Variants in METAP1 observed in about 807,000 individuals in gnomAD.
The protein encoded by METAP1 is methionine aminopeptidase 1.
A neutral mutation model predicts 53.8 loss-of-function variants in METAP1; 28 were observed. That is an observed-to-expected ratio of 0.52 (90% CI 0.39 to 0.71). METAP1 has a LOEUF of 0.71. Among genes scored for constraint, METAP1 ranks in the 30% least tolerant of loss-of-function variants. The probability of loss-of-function intolerance (pLI) is 0.00; values close to 1 mark genes in which losing one functional copy is unlikely to be tolerated. For missense variants in METAP1, 389 were observed against 479.8 expected (o/e 0.81, Z 1.77); for synonymous variants, 181 against 165.7 (o/e 1.09, Z -0.71).
At chr4:98,996,370 T>G (rs1382388707) in intron 1 of METAP1, among the ~76,000 whole-genome samples, 2 of 152,210 alleles carry the variant, frequency 1.3e-5, no homozygotes, top group Non-Finnish European at 2.9e-5. Flanking sequence ...TGCCGGGCTC[T>G]GAGAGATGGG....
chr4:99,037,869 G>A (rs1725547908), intron 4 of METAP1: 1 of 151,868 alleles, frequency 6.6e-6, no homozygotes, highest in African/African-American at 2.4e-5. Context: ...TATTGGGATA[G>A]TATTAAATTT....
In METAP1 at chr4:99,028,878, A is replaced by G. The variant is rs1284215550; in HGVS notation, c.126A>G (p.Lys42=). ...GSYFCSQECF[K]GSWATHKLLH... ...TTTTGTTCTTTTAGGAATGTTTTAA[A>G]GGAAGTTGGGCTACTCACAAGTTAC... The change falls in exon 2 of 11, where the codon AAA becomes AAG. Residue 42 remains lysine, a synonymous_variant. Coordinates refer to ENST00000296411, the MANE Select transcript of METAP1 (RefSeq NM_015143.3). 1.3e-6 allele frequency: 2 copies of G among 1,543,254 alleles called. No homozygotes were observed. Among genetic ancestry groups the G allele is most frequent in the Non-Finnish European group, 1.8e-6 (2 of 1,142,072 alleles).
chr4:99,041,424 G>A (rs1023861829), intron 6 of METAP1, among the ~76,000 whole-genome samples: 10 of 152,018 alleles, frequency 6.6e-5, no homozygotes, highest in Admixed American at 2.0e-4. Flanking sequence ...TCTGCTTTAA[G>A]TAAATCCTGC....
At chr4:99,034,129 A>C in intron 2 of METAP1, 101 bp from the exon 3 acceptor site, 7 of 718,620 alleles carry the variant, frequency 9.7e-6, no homozygotes, top group Non-Finnish European at 1.4e-5. Context: ...GTTTTAAACA[A>C]GAGATATTCA....
intron 4 of METAP1, among the ~76,000 whole-genome samples, 199 bp downstream of exon 4, chr4:99,035,659 T>C (rs902776629): frequency 1.3e-5 from 2 of 152,178 alleles, no homozygotes; most frequent in African/African-American, 4.8e-5. Flanking sequence ...AAACACTATG[T>C]AGCTGTTAAA....
intron 1 of METAP1, chr4:99,026,829 C>A (rs1163720610): frequency 2.2e-5 from 22 of 985,156 alleles, no homozygotes; most frequent in Non-Finnish European, 2.5e-5. Flanking sequence ...TGCCTCATGG[C>A]CCCAGTAAGG....
rs11308360 is a variant in METAP1, at chr4:99,040,657, CTT to C, written c.433-368_433-367del. Reference sequence around the variant, plus strand: ...AGGCATGTGCCACTACACCTGACTACTTTTTTTTTTTTTTTTTTTAAGAGACA... The same window carrying C: ...AGGCATGTGCCACTACACCTGACTACTTTTTTTTTTTTTTTTTAAGAGACA... On this transcript the variant is annotated intron_variant, in intron 5 of 10. Coordinates refer to ENST00000296411, the MANE Select transcript of METAP1 (RefSeq NM_015143.3). Among the ~76,000 whole-genome samples the C allele has an allele frequency of 7.0e-3, 944 of 133,932 alleles. 8 individuals carry two copies. Among genetic ancestry groups the C allele is most frequent in the African/African-American group, 7.8e-3 (282 of 36,202 alleles). The allele number at this position is 133,932 out of a possible 152,430, so 87.9% of individuals were successfully genotyped here.
chr4:99,049,752 A>G (rs529607904), intron 9 of METAP1, among the ~76,000 whole-genome samples: 9 of 152,144 alleles, frequency 5.9e-5, no homozygotes, highest in Admixed American at 1.3e-4. Context: ...TCATCTGTAC[A>G]ATAGTAGGGA....
At chr4:99,046,057 G>C (rs1446419836) in intron 8 of METAP1, among the ~76,000 whole-genome samples, 1 of 152,130 alleles carries the variant, frequency 6.6e-6, no homozygotes, top group African/African-American at 2.4e-5. Context: ...CAGGCTGTCT[G>C]TCTTTGTACA....
intron 1 of METAP1, among the ~76,000 whole-genome samples, chr4:99,004,476 CACACACAT>C (rs1475130877): frequency 8.7e-3 from 147 of 16,886 alleles, no homozygotes; most frequent in South Asian, 0.014. Flanking sequence ...CACACACACA[CACACACAT>C]ACACACACAC....
At chr4:99,035,482 C>G in intron 4 of METAP1, 22 bp downstream of exon 4, 2 of 1,513,056 alleles carry the variant, frequency 1.3e-6, no homozygotes, top group Non-Finnish European at 1.8e-6. Flanking sequence ...TATGTTGATT[C>G]TTCATTTTTC....
chr4:99,008,524 G>A (rs1285530860), intron 1 of METAP1, among the ~76,000 whole-genome samples: 5 of 152,156 alleles, frequency 3.3e-5, no homozygotes, highest in African/African-American at 1.2e-4. Context: ...AGCATTGTTT[G>A]GTTTCTTATC....
intron 1 of METAP1, among the ~76,000 whole-genome samples, chr4:99,014,648 T>C (rs927921257): frequency 1.3e-5 from 2 of 152,162 alleles, no homozygotes; most frequent in African/African-American, 4.8e-5. Flanking sequence ...GGAGCTCTTG[T>C]AGTGTGTTGG....
intron 1 of METAP1, among the ~76,000 whole-genome samples, chr4:99,021,198 C>G (rs940476671): frequency 1.3e-5 from 2 of 152,220 alleles, no homozygotes; most frequent in Non-Finnish European, 2.9e-5. Flanking sequence ...ATTCCTCTTA[C>G]AGTCACTTTC....
chr4:99,014,649 A>T (rs1723652021), intron 1 of METAP1, among the ~76,000 whole-genome samples: 1 of 152,080 alleles, frequency 6.6e-6, no homozygotes, highest in African/African-American at 2.4e-5. Context: ...GAGCTCTTGT[A>T]GTGTGTTGGT....
At position 99,034,326 on chromosome 4, in the gene METAP1, G is replaced by C. The variant is rs1332529078; in HGVS notation, c.263G>C (p.Arg88Thr). The C allele has an allele frequency of 6.5e-7, 1 of 1,529,768 alleles. No homozygotes were observed. Among genetic ancestry groups the C allele is most frequent in the Non-Finnish European group, 8.9e-7 (1 of 1,127,538 alleles). The allele number at this position is 1,529,768 out of a possible 1,614,324, so 94.8% of individuals were successfully genotyped here. A position where few individuals can be genotyped will look rare whatever the true frequency, so the allele number is the denominator to read the frequency against. ...WAGYRYTGKL[R>T]PHYPLMPTRP... ...GGTTATCGATATACTGGTAAACTCAGACCACATTATCCACTGGTGAGTAAA... is the reference window on the plus strand; with the variant it reads ...GGTTATCGATATACTGGTAAACTCACACCACATTATCCACTGGTGAGTAAA... The change falls in exon 3 of 11, where the codon AGA becomes ACA. Residue 88 changes from arginine to threonine, a missense_variant. By Grantham distance (71) the Arg-to-Thr change is moderately conservative. Coordinates refer to ENST00000296411, the MANE Select transcript of METAP1 (RefSeq NM_015143.3).
At chr4:99,028,813 A>G in intron 1 of METAP1, 54 bp from the exon 2 acceptor site, 1 of 1,296,394 alleles carries the variant, frequency 7.7e-7, no homozygotes, top group Non-Finnish European at 1.1e-6. Flanking sequence ...TATTCCTTAA[A>G]ATGTTTCTTA....
intron 1 of METAP1, chr4:98,997,588 A>T (rs988791176): frequency 1.3e-5 from 2 of 153,850 alleles, no homozygotes; most frequent in Non-Finnish European, 2.9e-5. Flanking sequence ...TTTTGAATTA[A>T]TATGTATTAC....
At chr4:99,028,746 A>G in intron 1 of METAP1, 121 bp from the exon 2 acceptor site, 1 of 581,182 alleles carries the variant, frequency 1.7e-6, no homozygotes, top group East Asian at 3.1e-5. Flanking sequence ...TTTAATTCGC[A>G]AAGTTACAGG....
Sources: allele counts gnomAD v4.1 joint callset (sites outside exome capture counted in the v4.1 genomes callset), GRCh38; gene constraint gnomAD v4.1.1; transcripts MANE v1.5; gene names NCBI Gene and HGNC (gene_info 2026-07-23, HGNC 2026-07-21).